Variants in CAD observed in about 807,000 individuals in gnomAD.
CAD encodes the protein carbamoyl-phosphate synthetase 2, aspartate transcarbamylase, and dihydroorotase.
A neutral mutation model predicts 237.2 loss-of-function variants in CAD; 81 were observed. That is an observed-to-expected ratio of 0.34 (90% confidence interval 0.29 to 0.41). The LOEUF (loss-of-function observed/expected upper bound fraction) is 0.41. Ranked by LOEUF, CAD falls within the 10% of genes least tolerant of loss-of-function variation. The pLI, the probability that CAD is intolerant of heterozygous loss-of-function variation, is 1.00. For synonymous variants in CAD, 1,196 were observed against 1,162.8 expected (o/e 1.03, Z -0.58); for missense variants, 2,181 against 2,951.7 (o/e 0.74, Z 6.05).
chr2:27,227,745 T>C (rs531535686), intron 15 of CAD, among the ~76,000 whole-genome samples: 1 of 152,352 alleles, frequency 6.6e-6, no homozygotes, highest in African/African-American at 2.4e-5. Flanking sequence ...TTTACATCTG[T>C]TCAAGTATTC....
In CAD at chr2:27,235,264, C is replaced by G; in HGVS notation, c.3806C>G (p.Ser1269Cys). The G allele has an allele frequency of 6.2e-7, 1 of 1,610,106 alleles. No homozygotes were observed. Residue 1269 changes from serine to cysteine, a missense_variant, in exon 24 of 44, where the codon TCC (serine) becomes TGC (cysteine). By Grantham distance (112) the Ser-to-Cys change is moderately radical (BLOSUM62 -1). This residue lies in a region of CAD where 306 missense variants were observed against 607.9 expected (regional missense o/e 0.50). Coordinates refer to ENST00000264705, the MANE Select transcript of CAD (RefSeq NM_004341.5). This position sits in a 1 kb window ranked among gnomAD's most constrained non-coding sequence, Gnocchi z 5.2. ...VGVKVPQFSF[S>C]RLAGADVVLG... is the part of the protein sequence containing the mutation. The stretch of plus-strand genomic sequence containing the variant: ...CTTTAGGTGCCTCAGTTCTCCTTCT[C>G]CCGCTTGGCGGGTGCTGACGTGGTG...
Position 27,243,644 on chromosome 2 carries a change from C to A in CAD, c.*126C>A. 1.3e-6 allele frequency: 1 copy of A among 755,660 alleles called. No individual in the cohort carries two copies. Among genetic ancestry groups the A allele is most frequent in the Non-Finnish European group, 2.2e-6 (1 of 459,902 alleles). 46.8% of individuals were successfully genotyped at this position (755,660 alleles called of 1,614,324 possible). On this transcript the variant is annotated 3_prime_UTR_variant, in exon 44 of 44. Coordinates refer to ENST00000264705, the MANE Select transcript of CAD (RefSeq NM_004341.5). ...AGATAGCTCACATGTGCTGACCACA[C>A]TTCAGGCTCTGGACTGGAGCTCTCT...
At chr2:27,218,519 G>T (rs1335745282) in intron 2 of CAD, among the ~76,000 whole-genome samples, 3 of 152,106 alleles carry the variant, frequency 2.0e-5, no homozygotes, top group Non-Finnish European at 4.4e-5. Flanking sequence ...ACATAAATTA[G>T]TGGAAAGAGA....
At position 27,237,408 on chromosome 2, in the gene CAD, G is replaced by A. The variant is rs757926493; in HGVS notation, c.4426G>A (p.Glu1476Lys). Reference protein sequence around the residue: ...GLIDVHVHLREPGGTHKEDFA... With the variant: ...GLIDVHVHLRKPGGTHKEDFA... ...GATTGATGTCCATGTGCACCTGCGG[G>A]AACCAGGTGGGACACATAAGGAGGA... The change falls in exon 28 of 44, where the codon GAA becomes AAA. Residue 1476 changes from glutamate (E) to lysine (K), a missense_variant. By Grantham distance (56) the Glu-to-Lys change is moderately conservative. Around this residue, in one of 12 missense-constraint regions of CAD, gnomAD observed 478 missense variants for 515.0 expected, o/e 0.93. Transcript: ENST00000264705. This position sits in a 1 kb window ranked among gnomAD's most constrained non-coding sequence, Gnocchi z 4.0. 2 of 1,614,178 alleles carry A rather than the reference G, an allele frequency of 1.2e-6. No individual in the cohort carries two copies. Among genetic ancestry groups the A allele is most frequent in the South Asian group, 2.2e-5 (2 of 91,082 alleles).
At chr2:27,219,940 G>T (rs1240013681) in intron 2 of CAD, among the ~76,000 whole-genome samples, 1 of 152,112 alleles carries the variant, frequency 6.6e-6, no homozygotes, top group African/African-American at 2.4e-5. Context: ...GCTTAGTATT[G>T]TGCCCTGAAC....
chr2:27,242,564 T>C lies in CAD; in HGVS notation c.6223-56T>C, dbSNP rs1676372576. Reference sequence around the variant, plus strand: ...CCAGAGGCTTTTAAAAGCTTGGAAATGATGTCGGGGGGCACTCAGTCTGGG... The same window carrying C: ...CCAGAGGCTTTTAAAAGCTTGGAAACGATGTCGGGGGGCACTCAGTCTGGG... On this transcript the variant is annotated intron_variant, in intron 40 of 43. Coordinates refer to ENST00000264705, the MANE Select transcript of CAD (RefSeq NM_004341.5). The surrounding 1 kb of genome is among the most constrained non-coding windows in gnomAD (Gnocchi z 6.4). 6.4e-7 allele frequency: 1 copy of C among 1,559,468 alleles called. No homozygotes were observed. Among genetic ancestry groups the C allele is most frequent in the Non-Finnish European group, 8.7e-7 (1 of 1,147,798 alleles).
At chr2:27,229,339 C>T (rs532714276) in intron 15 of CAD, among the ~76,000 whole-genome samples, 2 of 152,224 alleles carry the variant, frequency 1.3e-5, no homozygotes, top group Admixed American at 6.5e-5. Flanking sequence ...TGTGACTTAG[C>T]TCACTGCAGC....
chr2:27,230,978 A>G (rs557245469), intron 15 of CAD, among the ~76,000 whole-genome samples: 4 of 152,332 alleles, frequency 2.6e-5, no homozygotes, highest in East Asian at 1.9e-4. Context: ...GAAAAGAGCT[A>G]TAAGTTAAGA....
At position 27,242,606 on chromosome 2, in the gene CAD, G is replaced by A; in HGVS notation, c.6223-14G>A. The A allele has an allele frequency of 6.3e-7, 1 of 1,582,854 alleles. No individual in the cohort carries two copies. The highest frequency in any genetic ancestry group is 8.6e-7 in the Non-Finnish European group (1 of 1,160,050). The stretch of plus-strand genomic sequence containing the variant: ...CAGTCTGGGATCCCTGTGGTGACTG[G>A]ATTCCTCTCCTAGATCACGATGGTG... On this transcript the variant is annotated splice_polypyrimidine_tract_variant and intron_variant, in intron 40 of 43. Transcript: ENST00000264705. The surrounding 1 kb of genome is among the most constrained non-coding windows in gnomAD (Gnocchi z 6.4).
At chr2:27,230,649 A>G (rs943115129) in intron 15 of CAD, among the ~76,000 whole-genome samples, 2 of 152,132 alleles carry the variant, frequency 1.3e-5, no homozygotes, top group Non-Finnish European at 1.5e-5. Context: ...CTATGAACCT[A>G]TGAAGAAAAG....
At position 27,242,812 on chromosome 2, in the gene CAD, A is replaced by T; in HGVS notation, c.6378+37A>T. 1 of 1,614,030 alleles carries T rather than the reference A, an allele frequency of 6.2e-7. No homozygotes were observed. Among genetic ancestry groups the T allele is most frequent in the South Asian group, 1.1e-5 (1 of 91,074 alleles). On this transcript the variant is annotated intron_variant, in intron 41 of 43. Coordinates refer to ENST00000264705, the MANE Select transcript of CAD (RefSeq NM_004341.5). The surrounding 1 kb of genome is among the most constrained non-coding windows in gnomAD (Gnocchi z 6.4). ...ACAGCCCTGCCTGGAAGCCATGGAG[A>T]TGTGGGTTGGGCAGTCAGAGCCCAG...
Position 27,237,381 on chromosome 2 carries a change from T to G in CAD, c.4399T>G (p.Leu1467Val). 1.2e-6 allele frequency: 2 copies of G among 1,614,026 alleles called. No homozygotes were observed. Among genetic ancestry groups the G allele is most frequent in the Non-Finnish European group, 1.7e-6 (2 of 1,179,918 alleles). ...TSQKLVRLPG[L>V]IDVHVHLREP... is the part of the protein sequence containing the mutation. ...TTGCTGCTTCCATTTTCTCCCAGGATTGATTGATGTCCATGTGCACCTGCG... is the reference window on the plus strand; with the variant it reads ...TTGCTGCTTCCATTTTCTCCCAGGAGTGATTGATGTCCATGTGCACCTGCG... Residue 1467 changes from leucine to valine, a missense_variant and splice_region_variant, in exon 28 of 44, where the codon TTG becomes GTG. Coordinates refer to ENST00000264705, the MANE Select transcript of CAD (RefSeq NM_004341.5). The surrounding 1 kb of genome is among the most constrained non-coding windows in gnomAD (Gnocchi z 4.0).
rs73921501 is a variant in CAD, at chr2:27,237,801, C to T, written c.4647C>T (p.Ala1549=). 1.4e-3 allele frequency: 2,181 copies of T among 1,614,196 alleles called. 28 individuals are homozygous for T. The African/African-American group carries it at 0.025, about 19-fold the overall frequency. Residue 1549 remains alanine, a synonymous_variant, in exon 29 of 44, where the codon GCC becomes GCT. Transcript: ENST00000264705. The surrounding 1 kb of genome is among the most constrained non-coding windows in gnomAD (Gnocchi z 4.0). ...ATGCAGGAACCTTGGGCACCGTGGC[C>T]GGGTCTGCAGCCGGGCTGAAGCTTT... ...SENAGTLGTV[A]GSAAGLKLYL... is the part of the protein sequence containing the mutation.
Position 27,225,329 on chromosome 2 carries a change from G to A in CAD, c.1620+86G>A, listed in dbSNP as rs1450913705. On this transcript the variant is annotated intron_variant, in intron 11 of 43. Coordinates refer to ENST00000264705, the MANE Select transcript of CAD (RefSeq NM_004341.5). ...TTTTTTTTTTTTTTTTTTTTGAGAC[G>A]GAGTTTCGCTCTTGTTGCGCAGGCT... is the stretch of plus-strand genomic sequence containing the variant. 1.1e-4 allele frequency: 79 copies of A among 730,042 alleles called. No homozygotes were observed. The African/African-American group carries it at 1.2e-3, about 11-fold the overall frequency. 45.2% of individuals were successfully genotyped at this position (730,042 alleles called of 1,614,324 possible). A position where few individuals can be genotyped will look rare whatever the true frequency, so the allele number is the denominator to read the frequency against.
chr2:27,222,497 C>A (rs1052575165), intron 4 of CAD, 22 bp from the exon 5 acceptor site: 1 of 1,611,226 alleles, frequency 6.2e-7, no homozygotes. Flanking sequence ...CAACTGTTGC[C>A]CTTTATTCGT....
Position 27,237,840 on chromosome 2 carries a change from C to T in CAD, c.4686C>T (p.Thr1562=), listed in dbSNP as rs1181212144. 6.2e-7 allele frequency: 1 copy of T among 1,613,498 alleles called. No homozygotes were observed. The highest frequency in any genetic ancestry group is 1.7e-5 in the Admixed American group (1 of 59,986). Residue 1562 remains threonine, a synonymous_variant, in exon 29 of 44, where the codon ACC becomes ACT. Coordinates refer to ENST00000264705, the MANE Select transcript of CAD (RefSeq NM_004341.5). This position sits in a 1 kb window ranked among gnomAD's most constrained non-coding sequence, Gnocchi z 4.0. The part of the protein sequence containing the change: ...AAGLKLYLNE[T]FSELRLDSVV... Reference sequence around the variant, plus strand: ...GGCTGAAGCTTTACCTCAATGAGACCTTCTCTGAGCTGCGGCTGGACAGCG... The same window carrying T: ...GGCTGAAGCTTTACCTCAATGAGACTTTCTCTGAGCTGCGGCTGGACAGCG...
chr2:27,235,000 C>T (rs890433912), intron 23 of CAD, among the ~76,000 whole-genome samples: 26 of 152,190 alleles, frequency 1.7e-4, no homozygotes, highest in African/African-American at 4.8e-4. Flanking sequence ...AAGGCTTGAG[C>T]GAAGGGGTGC....
Position 27,217,447 on chromosome 2 carries a change from T to C in CAD, c.-105T>C. The C allele has an allele frequency of 2.0e-6, 2 of 996,334 alleles. No individual in the cohort carries two copies. The highest frequency in any genetic ancestry group is 3.1e-6 in the Non-Finnish European group (2 of 645,352). 61.7% of individuals were successfully genotyped at this position (996,334 alleles called of 1,614,324 possible). A position where few individuals can be genotyped will look rare whatever the true frequency, so the allele number is the denominator to read the frequency against. On this transcript the variant is annotated 5_prime_UTR_variant, in exon 1 of 44. Transcript: ENST00000264705. Reference sequence around the variant, plus strand: ...GCTTCTCTCCAGCGCCCCGCGCCGTTAGCCACGTGGACCGACTCCGGCGCG... The same window carrying C: ...GCTTCTCTCCAGCGCCCCGCGCCGTCAGCCACGTGGACCGACTCCGGCGCG...
At position 27,238,185 on chromosome 2, in the gene CAD, G is replaced by C; in HGVS notation, c.4858G>C (p.Glu1620Gln). 6.2e-7 allele frequency: 1 copy of C among 1,613,936 alleles called. No individual in the cohort carries two copies. The highest frequency in any genetic ancestry group is 1.1e-5 in the South Asian group (1 of 91,046). ...CATATGTCACGTGGCACGGAAGGAG[G>C]AGGTAAGAGTACACCTGAGATCCTG... ...VHICHVARKE[E>Q]ILLIKAAKAR... Residue 1620 changes from glutamate to glutamine, a missense_variant and splice_region_variant, in exon 30 of 44, where the codon GAG (glutamate) becomes CAG (glutamine). Glu to Gln is a conservative substitution (Grantham distance 29, BLOSUM62 2). Transcript: ENST00000264705.
Sources: gnomAD v4.1 joint callset for allele counts (sites outside exome capture counted in the v4.1 genomes callset) on GRCh38, gnomAD v4.1.1 for gene constraint, gnomAD v4.1.1 regional missense constraint, Gnocchi (gnomAD v3.1) non-coding constraint, MANE v1.5 for transcripts, NCBI Gene and HGNC (gene_info 2026-07-23, HGNC 2026-07-21) for gene names.